NBEA: variants seen among roughly 807,000 people sequenced by gnomAD.
The protein encoded by NBEA is neurobeachin.
Under a neutral mutation model 343.4 loss-of-function variants are expected in NBEA, and 44 were observed. The ratio of observed to expected loss-of-function variants is 0.13; its 90% CI spans 0.10 to 0.16. The LOEUF (loss-of-function observed/expected upper bound fraction) is 0.16, where lower values mean the gene tolerates loss of function less well. Among genes scored for constraint, NBEA ranks in the 10% least tolerant of loss-of-function variants. NBEA has a pLI of 1.00. For synonymous variants in NBEA, 1,175 were observed against 1,238.7 expected (o/e 0.95, Z 1.08); for missense variants, 2,555 against 3,631.3 (o/e 0.70, Z 7.62).
chr13:35,559,910 G>A (rs2079776822), intron 44 of NBEA, among the ~76,000 whole-genome samples: 1 of 137,644 alleles, frequency 7.3e-6, no homozygotes, highest in African/African-American at 2.8e-5. Context: ...CAGCCTGGGC[G>A]ACAGAGCGAG....
chr13:35,218,788 A>T (rs560127643), intron 33 of NBEA, among the ~76,000 whole-genome samples: 1 of 152,034 alleles, frequency 6.6e-6, no homozygotes, highest in Non-Finnish European at 1.5e-5. Flanking sequence ...TTAACATGGT[A>T]TACTATATTG....
intron 17 of NBEA, among the ~76,000 whole-genome samples, chr13:35,135,931 GA>G (rs2067701753): frequency 7.2e-6 from 1 of 139,154 alleles, no homozygotes; most frequent in African/African-American, 2.7e-5. Context: ...TCAAAAAAAA[GA>G]AAACCAAAAC....
At chr13:35,272,548 G>T (rs1376098473) in intron 34 of NBEA, among the ~76,000 whole-genome samples, 2 of 152,116 alleles carry the variant, frequency 1.3e-5, no homozygotes, top group African/African-American at 4.8e-5. Flanking sequence ...CCAATTAAAA[G>T]ACACAGACTG....
intron 1 of NBEA, among the ~76,000 whole-genome samples, chr13:34,951,603 A>G (rs1233111297): frequency 1.3e-5 from 2 of 152,192 alleles, no homozygotes; most frequent in African/African-American, 4.8e-5. Context: ...AGCACAGGAC[A>G]TCTGTTGTCT....
intron 49 of NBEA, among the ~76,000 whole-genome samples, chr13:35,635,329 T>C (rs1407431504): frequency 6.6e-6 from 1 of 152,202 alleles, no homozygotes; most frequent in Non-Finnish European, 1.5e-5. Flanking sequence ...ACAACTGCCA[T>C]GATGCCTAAT....
chr13:35,390,870 G>A (rs771046119), intron 38 of NBEA, among the ~76,000 whole-genome samples: 3 of 152,070 alleles, frequency 2.0e-5, no homozygotes, highest in Non-Finnish European at 4.4e-5. Context: ...TGTACATGTT[G>A]TTATTTTCTT....
chr13:35,203,145 T>C (rs2073136098), intron 31 of NBEA, among the ~76,000 whole-genome samples: 1 of 152,162 alleles, frequency 6.6e-6, no homozygotes, highest in South Asian at 2.1e-4. Flanking sequence ...AACATAAGGT[T>C]ATATCCTTCT....
intron 34 of NBEA, among the ~76,000 whole-genome samples, chr13:35,246,534 A>G (rs2031220618): frequency 6.6e-6 from 1 of 151,984 alleles, no homozygotes; most frequent in South Asian, 2.1e-4. Context: ...TGCTAGCCAA[A>G]CTGTAGTGAC....
chr13:35,642,771 A>G (rs1405785631), intron 49 of NBEA, among the ~76,000 whole-genome samples: 2 of 152,112 alleles, frequency 1.3e-5, no homozygotes, highest in Non-Finnish European at 2.9e-5. Flanking sequence ...ACTGACCTGT[A>G]AATTTTGGCT....
At chr13:35,391,616 A>T (rs1420631193) in intron 38 of NBEA, among the ~76,000 whole-genome samples, 1 of 152,122 alleles carries the variant, frequency 6.6e-6, no homozygotes, top group Admixed American at 6.6e-5. Context: ...ATTTACATGG[A>T]TGTTTTTAGG....
intron 34 of NBEA, among the ~76,000 whole-genome samples, chr13:35,255,293 G>T (rs890794972): frequency 2.0e-5 from 3 of 152,226 alleles, no homozygotes; most frequent in Non-Finnish European, 4.4e-5. Flanking sequence ...GATCCTTGGG[G>T]TGTCACTTTG....
chr13:35,045,497 A>G (rs1273292433), intron 4 of NBEA, 96 bp downstream of exon 4: 1 of 963,740 alleles, frequency 1.0e-6, no homozygotes, highest in Non-Finnish European at 1.5e-6. Context: ...ACCAGTTTAG[A>G]AAGCACAACT....
intron 39 of NBEA, among the ~76,000 whole-genome samples, chr13:35,440,245 C>G (rs1054602442): frequency 3.3e-5 from 5 of 152,088 alleles, no homozygotes; most frequent in Non-Finnish European, 7.4e-5. Context: ...CTTTGGGTAA[C>G]AACATTGAAG....
At chr13:35,112,676 C>T (rs1156251613) in intron 13 of NBEA, among the ~76,000 whole-genome samples, 1 of 152,154 alleles carries the variant, frequency 6.6e-6, no homozygotes, top group East Asian at 1.9e-4. Context: ...ACAAAGAATT[C>T]TCATATGTCC....
intron 10 of NBEA, among the ~76,000 whole-genome samples, chr13:35,074,763 A>G (rs1043810526): frequency 6.6e-6 from 1 of 152,182 alleles, no homozygotes; most frequent in South Asian, 2.1e-4. Context: ...AAAGGTTACT[A>G]TAGTGAAGCA....
intron 8 of NBEA, among the ~76,000 whole-genome samples, chr13:35,067,404 A>T (rs11839024): frequency 1.3e-5 from 2 of 152,140 alleles, no homozygotes; most frequent in African/African-American, 4.8e-5. Context: ...ATATATTCAT[A>T]CCTTCTTTTC....
intron 13 of NBEA, among the ~76,000 whole-genome samples, chr13:35,112,049 T>C (rs2066242267): frequency 6.6e-6 from 1 of 151,532 alleles, no homozygotes; most frequent in Non-Finnish European, 1.5e-5. Context: ...CCCGAGTAGC[T>C]GGGACTACAG....
intron 18 of NBEA, among the ~76,000 whole-genome samples, chr13:35,143,713 G>C (rs2068224562): frequency 6.6e-6 from 1 of 152,024 alleles, no homozygotes; most frequent in Non-Finnish European, 1.5e-5. Context: ...CTAAGCTTCT[G>C]AATGGAATTG....
intron 18 of NBEA, among the ~76,000 whole-genome samples, chr13:35,152,010 A>T (rs1408343371): frequency 6.6e-6 from 1 of 152,092 alleles, no homozygotes; most frequent in African/African-American, 2.4e-5. Context: ...AAATCTCAGC[A>T]ATAATATCTG....
Sources: allele counts gnomAD v4.1 joint callset (sites outside exome capture counted in the v4.1 genomes callset), GRCh38; gene constraint gnomAD v4.1.1; transcripts MANE v1.5; gene names NCBI Gene and HGNC (gene_info 2026-07-23, HGNC 2026-07-21).